The following NFASC variants were observed in gnomAD, a reference collection of about 807,000 sequenced individuals.
NFASC encodes neurofascin homolog.
NFASC carries 43 observed loss-of-function variants against 147.5 expected under a neutral mutation model. That is an observed-to-expected ratio of 0.29 (90% CI 0.23 to 0.38). NFASC has a LOEUF of 0.38. Among genes scored for constraint, NFASC ranks in the 10% least tolerant of loss-of-function variants. NFASC has a pLI of 1.00. For missense variants in NFASC, 1,320 were observed against 1,689.0 expected, an observed-to-expected ratio of 0.78 and a Z score of 3.83; for synonymous variants, 622 against 665.5, an observed-to-expected ratio of 0.93 and a Z score of 1.01.
intron 1 of NFASC, among the ~76,000 whole-genome samples, chr1:204,842,416 C>T (rs1236650313): frequency 2.0e-5 from 3 of 152,340 alleles, no homozygotes; most frequent in South Asian, 2.1e-4. Flanking sequence ...GCTAAGTCCC[C>T]GCTTTTACAT....
intron 2 of NFASC, among the ~76,000 whole-genome samples, chr1:204,924,851 A>G (rs1481451944): frequency 6.6e-6 from 1 of 152,078 alleles, no homozygotes; most frequent in Non-Finnish European, 1.5e-5. Context: ...GAGAGGAGAA[A>G]GGGCCAATCG....
intron 1 of NFASC, among the ~76,000 whole-genome samples, chr1:204,884,375 G>T (rs141567565): frequency 1.2e-3 from 182 of 152,220 alleles, no homozygotes; most frequent in Non-Finnish European, 1.8e-3. Flanking sequence ...CTCATTGGTG[G>T]TCCCTGAAGT....
At chr1:204,994,487 G>C (rs997296012) in intron 24 of NFASC, among the ~76,000 whole-genome samples, 6 of 152,144 alleles carry the variant, frequency 3.9e-5, no homozygotes. Flanking sequence ...GTGTGTGTGT[G>C]TCTCTGCGAG....
intron 1 of NFASC, among the ~76,000 whole-genome samples, chr1:204,877,782 A>G (rs1291978571): frequency 6.6e-6 from 1 of 152,182 alleles, no homozygotes; most frequent in African/African-American, 2.4e-5. Flanking sequence ...GTGTGCAAAT[A>G]TCTATTCGGG....
intron 1 of NFASC, among the ~76,000 whole-genome samples, chr1:204,881,032 T>A (rs749767132): frequency 2.3e-4 from 35 of 152,286 alleles, no homozygotes; most frequent in East Asian, 7.7e-4. Context: ...GGACTGCAAC[T>A]CACAAATGTC....
Position 204,987,533 on chromosome 1 carries a change from T to C in NFASC, c.2586T>C (p.Tyr862=). 6.2e-7 allele frequency: 1 copy of C among 1,614,168 alleles called. No individual in the cohort carries two copies. The highest frequency in any genetic ancestry group is 8.5e-7 in the Non-Finnish European group (1 of 1,180,026). The change falls in exon 22 of 30, where the codon TAT becomes TAC. Residue 862 remains tyrosine (Y), a synonymous_variant. Transcript: ENST00000339876. This position sits in a 1 kb window ranked among gnomAD's most constrained non-coding sequence, Gnocchi z 4.4. ...NGIMIGYTLK[Y]VAFNGTKVGK... ...TCATGATTGGATACACTCTCAAATA[T>C]GTGGCCTGTACGTTCTGCCCTTCCC... is the stretch of plus-strand genomic sequence containing the variant.
chr1:204,934,494 A>G (rs545544183), intron 2 of NFASC, among the ~76,000 whole-genome samples: 1 of 152,362 alleles, frequency 6.6e-6, no homozygotes, highest in East Asian at 1.9e-4. Context: ...CTTGTTTCAG[A>G]AAATGTTCAA....
At chr1:204,924,757 A>C (rs11579941) in intron 2 of NFASC, among the ~76,000 whole-genome samples, 16,383 of 152,262 alleles carry the variant, frequency 0.11, 1,206 homozygotes, top group African/African-American at 0.2. Flanking sequence ...GGCATCGTCT[A>C]CACTGTAGAT....
At chr1:204,897,046 A>G (rs1018912177) in intron 1 of NFASC, among the ~76,000 whole-genome samples, 2 of 152,058 alleles carry the variant, frequency 1.3e-5, no homozygotes, top group Admixed American at 1.3e-4. Flanking sequence ...TACTGACTGT[A>G]GGTTCCCCCC....
chr1:204,950,412 A>G (rs1025854117), intron 3 of NFASC, 145 bp from the exon 4 acceptor site: 178 of 739,710 alleles, frequency 2.4e-4, no homozygotes, highest in Non-Finnish European at 3.7e-4. Context: ...TGCAGCCAGG[A>G]GGAGAGAGCC....
intron 8 of NFASC, among the ~76,000 whole-genome samples, chr1:204,963,104 C>G (rs1475105051): frequency 6.6e-6 from 1 of 152,100 alleles, no homozygotes; most frequent in African/African-American, 2.4e-5. Flanking sequence ...AGTGTCTGCA[C>G]TGTGATGTGC....
chr1:204,930,304 G>A (rs1038923962), intron 2 of NFASC, among the ~76,000 whole-genome samples: 6 of 152,130 alleles, frequency 3.9e-5, no homozygotes, highest in Non-Finnish European at 7.4e-5. Context: ...CTGCAGAGCC[G>A]GGGCAGGCTC....
chr1:204,900,681 T>C (rs2084368746), intron 1 of NFASC, among the ~76,000 whole-genome samples: 1 of 152,018 alleles, frequency 6.6e-6, no homozygotes, highest in South Asian at 2.1e-4. Context: ...CAGGGAGTGC[T>C]GGGGGAGGTG....
chr1:204,901,395 C>T (rs941573487), intron 1 of NFASC, among the ~76,000 whole-genome samples: 36 of 152,106 alleles, frequency 2.4e-4, no homozygotes, highest in Admixed American at 8.5e-4. Context: ...GGAGGAAACC[C>T]GGGAGGTGGC....
chr1:204,939,325 G>A (rs1254909971), intron 2 of NFASC, among the ~76,000 whole-genome samples: 1 of 152,074 alleles, frequency 6.6e-6, no homozygotes, highest in Non-Finnish European at 1.5e-5. Context: ...TGTAGAGTAT[G>A]TTTTTTCACT....
intron 1 of NFASC, among the ~76,000 whole-genome samples, chr1:204,844,887 G>A (rs547638985): frequency 6.6e-6 from 1 of 152,260 alleles, no homozygotes; most frequent in Non-Finnish European, 1.5e-5. Context: ...ATCTGGGAGG[G>A]AGAGTTGTGT....
At chr1:204,838,701 T>C (rs1412799223) in intron 1 of NFASC, among the ~76,000 whole-genome samples, 2 of 152,208 alleles carry the variant, frequency 1.3e-5, no homozygotes, top group African/African-American at 4.8e-5. Context: ...TGCAGGCATC[T>C]CAGCAGAGAA....
intron 1 of NFASC, among the ~76,000 whole-genome samples, chr1:204,917,338 C>T (rs2089504356): frequency 6.6e-6 from 1 of 152,108 alleles, no homozygotes; most frequent in Admixed American, 6.6e-5. Flanking sequence ...TGTTTCTTGA[C>T]CTGTTCTATC....
chr1:204,939,370 A>G (rs756070570), intron 2 of NFASC, among the ~76,000 whole-genome samples: 9 of 152,244 alleles, frequency 5.9e-5, no homozygotes, highest in Middle Eastern at 3.4e-3. Flanking sequence ...TTATCAGACA[A>G]TTCTTCCTGT....
Sources: gnomAD v4.1 joint callset for allele counts (sites outside exome capture counted in the v4.1 genomes callset) on GRCh38, gnomAD v4.1.1 for gene constraint, Gnocchi (gnomAD v3.1) non-coding constraint, MANE v1.5 for transcripts, NCBI Gene and HGNC (gene_info 2026-07-23, HGNC 2026-07-21) for gene names.